The following NTM variants were observed in gnomAD, a reference collection of about 807,000 sequenced individuals.
NTM encodes the protein neurotrimin, also known as IgLON family member 2.
In NTM, 13 loss-of-function variants were observed where a neutral mutation model predicts 42.1. The ratio of observed to expected loss-of-function variants is 0.31; its 90% CI spans 0.20 to 0.49. The LOEUF is 0.49. Ranked by LOEUF, NTM falls within the 20% of genes least tolerant of loss-of-function variation. NTM has a pLI of 0.99. For missense variants in NTM, 373 were observed against 452.8 expected, an observed-to-expected ratio of 0.82 and a Z score of 1.60; for synonymous variants, 187 against 179.2, an observed-to-expected ratio of 1.04 and a Z score of -0.35.
At chr11:131,449,162 C>T (rs1317061881) in intron 1 of NTM, among the ~76,000 whole-genome samples, 1 of 152,206 alleles carries the variant, frequency 6.6e-6, no homozygotes, top group Non-Finnish European at 1.5e-5. Context: ...TATTTTTCTT[C>T]TCATCAGCAC....
At chr11:131,947,511 A>T (rs1221974553) in intron 2 of NTM, among the ~76,000 whole-genome samples, 1 of 152,136 alleles carries the variant, frequency 6.6e-6, no homozygotes, top group African/African-American at 2.4e-5. Context: ...ACACTCAGAA[A>T]GTGGTTGGTG....
chr11:131,867,089 A>G (rs2047297317), intron 1 of NTM, among the ~76,000 whole-genome samples: 1 of 152,188 alleles, frequency 6.6e-6, no homozygotes, highest in Non-Finnish European at 1.5e-5. Flanking sequence ...TTAGCAGCCC[A>G]AAAGTAAATT....
At chr11:132,028,559 G>T in intron 2 of NTM, among the ~76,000 whole-genome samples, 1 of 152,070 alleles carries the variant, frequency 6.6e-6, no homozygotes. Context: ...GTGACCATGG[G>T]TGTGGGGGGA....
At chr11:132,110,693 ACTT>A (rs1224252801) in intron 2 of NTM, among the ~76,000 whole-genome samples, 2 of 152,076 alleles carry the variant, frequency 1.3e-5, no homozygotes, top group Non-Finnish European at 2.9e-5. Context: ...TTTTTATTGA[ACTT>A]CTCTATTCAC....
chr11:131,659,198 G>C (rs1019402395), intron 1 of NTM, among the ~76,000 whole-genome samples: 5 of 152,230 alleles, frequency 3.3e-5, no homozygotes, highest in African/African-American at 1.2e-4. Context: ...GGGCAGCTGA[G>C]GCCAAGTGAT....
At chr11:131,432,316 G>A (rs1480123801) in intron 1 of NTM, among the ~76,000 whole-genome samples, 1 of 152,218 alleles carries the variant, frequency 6.6e-6, no homozygotes, top group Non-Finnish European at 1.5e-5. Context: ...ATAGTTTAGT[G>A]AGGGAAAAGG....
intron 2 of NTM, among the ~76,000 whole-genome samples, chr11:132,144,475 A>G (rs968827747): frequency 6.6e-6 from 1 of 152,154 alleles, no homozygotes; most frequent in East Asian, 1.9e-4. Context: ...GCTTGAGCAA[A>G]ATATTCTGTG....
chr11:131,505,923 A>T (rs2047431665), intron 1 of NTM, among the ~76,000 whole-genome samples: 2 of 151,842 alleles, frequency 1.3e-5, no homozygotes, highest in South Asian at 4.2e-4. Flanking sequence ...AAGTGGGATG[A>T]TTTGCCCAGA....
chr11:131,675,061 C>T (rs998473458), intron 1 of NTM, among the ~76,000 whole-genome samples: 11 of 152,218 alleles, frequency 7.2e-5, no homozygotes, highest in African/African-American at 2.4e-4. Flanking sequence ...CCTCAACCTT[C>T]GCCTAGCACC....
intron 4 of NTM, among the ~76,000 whole-genome samples, chr11:132,275,732 A>ATATATATGTATATATG: frequency 1.5e-5 from 1 of 67,508 alleles, no homozygotes; most frequent in Admixed American, 1.9e-4. Context: ...ATACGTATAT[A>ATATATATGTATATATG]TACGTATATA....
intron 7 of NTM, among the ~76,000 whole-genome samples, chr11:132,324,589 C>G (rs1477312097): frequency 6.7e-6 from 1 of 149,206 alleles, no homozygotes; most frequent in African/African-American, 2.5e-5. Context: ...TGAAAATGGC[C>G]ATACTGCCCA....
chr11:132,241,068 A>G (rs910914178), intron 4 of NTM, among the ~76,000 whole-genome samples: 2 of 152,244 alleles, frequency 1.3e-5, no homozygotes, highest in Non-Finnish European at 2.9e-5. Flanking sequence ...GGCTATGTGT[A>G]TAAAGTATAT....
At chr11:131,565,282 TTGTC>T (rs921534685) in intron 1 of NTM, among the ~76,000 whole-genome samples, 9 of 152,190 alleles carry the variant, frequency 5.9e-5, no homozygotes, top group African/African-American at 2.2e-4. Context: ...TTGTTTCTCA[TTGTC>T]TGTGCCCTTA....
At chr11:131,555,181 CAA>C (rs1293796737) in intron 1 of NTM, among the ~76,000 whole-genome samples, 1 of 152,130 alleles carries the variant, frequency 6.6e-6, no homozygotes, top group Non-Finnish European at 1.5e-5. Flanking sequence ...AACCAAAAAA[CAA>C]AAATCACTAG....
intron 3 of NTM, among the ~76,000 whole-genome samples, chr11:132,179,148 A>T (rs1044589496): frequency 1.1e-4 from 16 of 152,210 alleles, no homozygotes; most frequent in Non-Finnish European, 4.4e-5. Context: ...AACACAATGA[A>T]CTGCTGCAAG....
intron 1 of NTM, among the ~76,000 whole-genome samples, chr11:131,648,314 T>C (rs1209654225): frequency 6.6e-6 from 1 of 152,212 alleles, no homozygotes; most frequent in African/African-American, 2.4e-5. Flanking sequence ...CATGTGAATA[T>C]GTCTTTATGA....
intron 4 of NTM, among the ~76,000 whole-genome samples, chr11:132,260,598 C>T (rs1330396002): frequency 1.3e-5 from 2 of 152,146 alleles, no homozygotes; most frequent in Non-Finnish European, 2.9e-5. Flanking sequence ...AATTCTGGTA[C>T]AAGCTTGTGT....
chr11:132,161,229 CT>C (rs2074195881), intron 3 of NTM, among the ~76,000 whole-genome samples: 6 of 152,140 alleles, frequency 3.9e-5, no homozygotes, highest in Admixed American at 3.9e-4. Flanking sequence ...TTCTCCCCCA[CT>C]GGAGTGAGTG....
At chr11:131,882,529 T>G (rs1363985570) in intron 1 of NTM, among the ~76,000 whole-genome samples, 2 of 152,244 alleles carry the variant, frequency 1.3e-5, no homozygotes, top group African/African-American at 4.8e-5. Context: ...GGCCCAGATA[T>G]GTGGACACAT....
Sources: gnomAD v4.1 joint callset for allele counts (sites outside exome capture counted in the v4.1 genomes callset) on GRCh38, gnomAD v4.1.1 for gene constraint, MANE v1.5 for transcripts, NCBI Gene and HGNC (gene_info 2026-07-23, HGNC 2026-07-21) for gene names.